KLHL1: variants seen among roughly 807,000 people sequenced by gnomAD.
KLHL1 encodes the protein kelch like family member 1.
In KLHL1, 47 loss-of-function variants were observed where a neutral mutation model predicts 77.7. The ratio of observed to expected loss-of-function variants is 0.60; its 90% CI spans 0.48 to 0.77. The LOEUF (loss-of-function observed/expected upper bound fraction) is 0.77. KLHL1 is among the 30% of genes least tolerant of loss of function. The pLI is 0.00. For synonymous variants in KLHL1, 360 were observed against 325.2 expected, an observed-to-expected ratio of 1.11 and a Z score of -1.15; for missense variants, 925 against 910.8, an observed-to-expected ratio of 1.02 and a Z score of -0.20.
chr13:69,718,738 A>G (rs1872890330), intron 9 of KLHL1, among the ~76,000 whole-genome samples: 1 of 152,142 alleles, frequency 6.6e-6, no homozygotes, highest in South Asian at 2.1e-4. Context: ...TCTGCATAGT[A>G]TTCCTAGGCC....
Position 70,108,086 on chromosome 13 carries a change from C to G in KLHL1, c.-387G>C. ...TCTGAGCGCTCCGAAGCTCCGGAGGCGGCTGCAGCTGGATACACCTCACTG... is the reference window on the plus strand; with the variant it reads ...TCTGAGCGCTCCGAAGCTCCGGAGGGGGCTGCAGCTGGATACACCTCACTG... On this transcript the variant is annotated 5_prime_UTR_variant, in exon 1 of 11. Coordinates refer to ENST00000377844, the MANE Select transcript of KLHL1 (RefSeq NM_020866.3). 1 of 414,206 alleles carries G rather than the reference C, an allele frequency of 2.4e-6. No individual in the cohort carries two copies. The highest frequency in any genetic ancestry group is 9.8e-5 in the South Asian group (1 of 10,154). The allele number at this position is 414,206 out of a possible 1,614,324, so 25.7% of individuals were successfully genotyped here.
intron 1 of KLHL1, among the ~76,000 whole-genome samples, chr13:70,054,388 T>A (rs1886696175): frequency 6.6e-6 from 1 of 152,130 alleles, no homozygotes; most frequent in Non-Finnish European, 1.5e-5. Flanking sequence ...AGGTTTTTTA[T>A]GTCTGTGAGA....
chr13:69,928,013 T>C (rs1044747843), intron 4 of KLHL1, among the ~76,000 whole-genome samples: 5 of 152,244 alleles, frequency 3.3e-5, no homozygotes, highest in African/African-American at 1.2e-4. Context: ...TTAATTAGGC[T>C]ACAGTTTGGG....
intron 7 of KLHL1, among the ~76,000 whole-genome samples, chr13:69,752,174 T>C (rs181005115): frequency 2.3e-4 from 35 of 152,248 alleles, no homozygotes; most frequent in African/African-American, 7.9e-4. Context: ...TGTTGAAGAT[T>C]ATCATAGCAA....
chr13:69,969,872 T>C (rs368780616), intron 2 of KLHL1, among the ~76,000 whole-genome samples: 35 of 152,320 alleles, frequency 2.3e-4, no homozygotes, highest in African/African-American at 8.2e-4. Flanking sequence ...AGTATATGCA[T>C]GCAACCACAC....
Position 69,719,458 on chromosome 13 carries a change from C to A in KLHL1, c.1926G>T (p.Val642=), listed in dbSNP as rs201683214. The A allele has an allele frequency of 3.1e-6, 5 of 1,613,548 alleles. No homozygotes were observed. The highest frequency in any genetic ancestry group is 4.2e-6 in the Non-Finnish European group (5 of 1,179,752). Residue 642 remains valine, a synonymous_variant, in exon 9 of 11, where the codon GTG becomes GTT. Transcript: ENST00000377844. ...PMCKRRGGVG[V]ATCDGFLYAV... ...CATAAAGAAAACCGTCACATGTGGC[C>A]ACTCCGACACCCCCTCTCCTCTTAC...
At chr13:69,903,485 T>C (rs1881940424) in intron 4 of KLHL1, among the ~76,000 whole-genome samples, 1 of 86,434 alleles carries the variant, frequency 1.2e-5, no homozygotes, top group Admixed American at 1.6e-4. Context: ...GAACTTTTGC[T>C]ATAAAACCCA....
At chr13:70,002,869 A>C (rs1225269017) in intron 1 of KLHL1, among the ~76,000 whole-genome samples, 2 of 151,746 alleles carry the variant, frequency 1.3e-5, no homozygotes, top group African/African-American at 4.8e-5. Flanking sequence ...ATTCTTAAGC[A>C]AGTTACAAAT....
At chr13:70,047,273 G>T (rs1282207541) in intron 1 of KLHL1, among the ~76,000 whole-genome samples, 1 of 149,384 alleles carries the variant, frequency 6.7e-6, no homozygotes, top group Non-Finnish European at 1.5e-5. Context: ...CAAGCTTTTG[G>T]TTAACTGAAA....
intron 4 of KLHL1, among the ~76,000 whole-genome samples, chr13:69,929,466 AC>A (rs1289997989): frequency 6.6e-6 from 1 of 151,916 alleles, no homozygotes; most frequent in African/African-American, 2.4e-5. Context: ...GGTAGCCTAG[AC>A]TTTTGGCCTG....
At chr13:69,825,153 A>C (rs1251112544) in intron 6 of KLHL1, among the ~76,000 whole-genome samples, 1 of 152,156 alleles carries the variant, frequency 6.6e-6, no homozygotes, top group Admixed American at 6.6e-5. Context: ...TTCTATAATA[A>C]TATGTTGATA....
intron 6 of KLHL1, among the ~76,000 whole-genome samples, chr13:69,800,372 A>G (rs67787039): frequency 0.36 from 55,155 of 151,888 alleles, 10,316 homozygotes; most frequent in African/African-American, 0.43. Context: ...GGCGGGGTGG[A>G]GGGAGGTGCA....
intron 6 of KLHL1, among the ~76,000 whole-genome samples, chr13:69,802,513 T>A (rs1225185772): frequency 6.6e-6 from 1 of 152,008 alleles, no homozygotes; most frequent in African/African-American, 2.4e-5. Context: ...AGAAATGCAA[T>A]CCACAAGCAG....
chr13:69,851,949 T>C (rs1054491732), intron 5 of KLHL1, among the ~76,000 whole-genome samples: 13 of 151,916 alleles, frequency 8.6e-5, no homozygotes, highest in African/African-American at 2.9e-4. Context: ...TTACTTGAAA[T>C]TGATGAACTG....
intron 8 of KLHL1, among the ~76,000 whole-genome samples, chr13:69,727,527 G>C (rs970906223): frequency 6.6e-6 from 1 of 152,050 alleles, no homozygotes; most frequent in Non-Finnish European, 1.5e-5. Flanking sequence ...GGTATGGCTG[G>C]GACATCAGGT....
intron 2 of KLHL1, among the ~76,000 whole-genome samples, chr13:69,974,632 C>T (rs1164901206): frequency 2.6e-5 from 4 of 151,862 alleles, no homozygotes; most frequent in Non-Finnish European, 5.9e-5. Flanking sequence ...AGTTGGTTGA[C>T]ACCTCCTGTC....
intron 1 of KLHL1, among the ~76,000 whole-genome samples, chr13:70,010,892 CAAA>C (rs925514287): frequency 8.2e-6 from 1 of 122,664 alleles, no homozygotes; most frequent in Non-Finnish European, 1.7e-5. Context: ...AACTCCGTCT[CAAA>C]AAAAAATAAT....
chr13:69,766,855 T>G (rs1875329548), intron 7 of KLHL1, among the ~76,000 whole-genome samples: 1 of 152,170 alleles, frequency 6.6e-6, no homozygotes, highest in Admixed American at 6.5e-5. Flanking sequence ...GCCTAAAGAT[T>G]GCAAACCTGG....
intron 4 of KLHL1, among the ~76,000 whole-genome samples, chr13:69,924,842 A>G (rs1446930601): frequency 1.3e-5 from 2 of 152,160 alleles, no homozygotes; most frequent in Non-Finnish European, 2.9e-5. Context: ...AGATACCACC[A>G]TGTTCCCCAG....
Sources: allele counts gnomAD v4.1 joint callset (sites outside exome capture counted in the v4.1 genomes callset), GRCh38; gene constraint gnomAD v4.1.1; transcripts MANE v1.5; gene names NCBI Gene and HGNC (gene_info 2026-07-23, HGNC 2026-07-21).